DTNA: variants seen among roughly 807,000 people sequenced by gnomAD.
DTNA encodes the protein dystrophin-related protein 3.
Under a neutral mutation model 100.7 loss-of-function variants are expected in DTNA, and 43 were observed. That is an observed-to-expected ratio of 0.43 (90% confidence interval 0.33 to 0.55). DTNA has a LOEUF of 0.55. DTNA is among the 20% of genes least tolerant of loss of function. DTNA has a pLI of 0.04. For missense variants in DTNA, 798 were observed against 953.9 expected (o/e 0.84, Z 2.15); for synonymous variants, 349 against 347.9 (o/e 1.00, Z -0.04).
At chr18:34,619,998 A>G (rs1451788023) in intron 1 of DTNA, among the ~76,000 whole-genome samples, 2 of 152,208 alleles carry the variant, frequency 1.3e-5, no homozygotes, top group Non-Finnish European at 2.9e-5. Flanking sequence ...AAATAAGGAC[A>G]GAATGGTTTT....
intron 1 of DTNA, among the ~76,000 whole-genome samples, chr18:34,747,714 A>G (rs981421205): frequency 2.6e-5 from 4 of 152,176 alleles, no homozygotes; most frequent in Non-Finnish European, 4.4e-5. Flanking sequence ...GTGTATATGT[A>G]TACCACATTT....
chr18:34,778,597 T>G (rs2094170492), intron 3 of DTNA, among the ~76,000 whole-genome samples: 1 of 152,162 alleles, frequency 6.6e-6, no homozygotes, highest in Non-Finnish European at 1.5e-5. Flanking sequence ...TTTTTTAATA[T>G]CCTGGAAATA....
intron 9 of DTNA, among the ~76,000 whole-genome samples, chr18:34,825,962 A>G (rs1237803141): frequency 6.6e-6 from 1 of 152,222 alleles, no homozygotes; most frequent in African/African-American, 2.4e-5. Context: ...TAAAATTAGC[A>G]TCCTTCTTCC....
At chr18:34,597,110 T>G (rs1268346924) in intron 1 of DTNA, among the ~76,000 whole-genome samples, 1 of 152,180 alleles carries the variant, frequency 6.6e-6, no homozygotes, top group Non-Finnish European at 1.5e-5. Context: ...GTGTTCGGTT[T>G]TCTGTTCCTG....
intron 1 of DTNA, among the ~76,000 whole-genome samples, chr18:34,521,976 C>T (rs2042191789): frequency 6.6e-6 from 1 of 152,140 alleles, no homozygotes; most frequent in South Asian, 2.1e-4. Context: ...TAGCACCTGG[C>T]ACAGAGCTGA....
chr18:34,572,737 TC>T, intron 1 of DTNA, among the ~76,000 whole-genome samples: 1 of 152,218 alleles, frequency 6.6e-6, no homozygotes, highest in African/African-American at 2.4e-5. Context: ...CTCCCCCACT[TC>T]CATCTAACTC....
intron 1 of DTNA, among the ~76,000 whole-genome samples, chr18:34,741,370 T>A (rs969838357): frequency 2.6e-5 from 4 of 152,212 alleles, no homozygotes; most frequent in African/African-American, 7.2e-5. Context: ...GATAGCCACA[T>A]ATGTGGGCTG....
At chr18:34,575,391 C>T (rs1193632704) in intron 1 of DTNA, among the ~76,000 whole-genome samples, 1 of 152,302 alleles carries the variant, frequency 6.6e-6, no homozygotes, top group East Asian at 1.9e-4. Flanking sequence ...TTCTGACTCT[C>T]TTACTATATC....
Position 34,888,917 on chromosome 18 carries a change from T to A in DTNA, c.*1183T>A. ...CCACCTGGTGTTCTGCATGTAGCCT[T>A]CTGTGGTCATGTGAAAGGAGACAGG... On this transcript the variant is annotated 3_prime_UTR_variant, in exon 23 of 23. Coordinates refer to ENST00000444659, the MANE Select transcript of DTNA (RefSeq NM_001386795.1). 1.0e-5 allele frequency: 10 copies of A among 985,878 alleles called. No individual in the cohort carries two copies. Among genetic ancestry groups the A allele is most frequent in the Non-Finnish European group, 1.2e-5 (10 of 829,944 alleles). 61.1% of individuals were successfully genotyped at this position (985,878 alleles called of 1,614,324 possible).
At position 34,825,929 on chromosome 18, in the gene DTNA, A is replaced by G. The variant is rs186853556; in HGVS notation, c.1002-1664A>G. On this transcript the variant is annotated intron_variant, in intron 9 of 22. Coordinates refer to ENST00000444659, the MANE Select transcript of DTNA (RefSeq NM_001386795.1). ...TAAAATCTAACAGACCAAACTTTTC[A>G]TAATTCACAGAGGACATTTGTATAA... Among the ~76,000 whole-genome samples the G allele has an allele frequency of 4.5e-3, 680 of 152,336 alleles. 1 individual carries two copies. Among genetic ancestry groups the G allele is most frequent in the Non-Finnish European group, 7.0e-3 (473 of 68,004 alleles).
At chr18:34,831,503 C>A (rs1306810938) in intron 11 of DTNA, among the ~76,000 whole-genome samples, 1 of 152,220 alleles carries the variant, frequency 6.6e-6, no homozygotes, top group Non-Finnish European at 1.5e-5. Flanking sequence ...CAAGGTGGCT[C>A]ACGCCTGTAA....
chr18:34,880,478 A>G (rs914661977), intron 20 of DTNA, among the ~76,000 whole-genome samples: 1 of 152,220 alleles, frequency 6.6e-6, no homozygotes, highest in Non-Finnish European at 1.5e-5. Context: ...ACCATGGTTC[A>G]TGGAGTTATG....
At chr18:34,808,002 A>C (rs890791095) in intron 5 of DTNA, among the ~76,000 whole-genome samples, 6 of 152,168 alleles carry the variant, frequency 3.9e-5, no homozygotes, top group African/African-American at 1.4e-4. Context: ...TGCCAACCCC[A>C]ACTGGCCATT....
chr18:34,821,514 A>G (rs2095717044), intron 9 of DTNA: 1 of 456,348 alleles, frequency 2.2e-6, no homozygotes, highest in African/African-American at 2.0e-5. Flanking sequence ...GCCAACAAAC[A>G]GTCCTTCCAG....
In DTNA at chr18:34,838,108, A is replaced by G. The variant is rs1289803730; in HGVS notation, c.1190A>G (p.Asp397Gly). The G allele has an allele frequency of 6.2e-7, 1 of 1,613,730 alleles. No individual in the cohort carries two copies. The highest frequency in any genetic ancestry group is 8.5e-7 in the Non-Finnish European group (1 of 1,179,836). ...TTATTAACTAGCTCTCCTCCCAAGG[A>G]CAGTGAAGTAGAGCAGAACAAACTG... ...LDHGARSPPK[D>G]SEVEQNKLLA... The change falls in exon 12 of 23, where the codon GAC (aspartate) becomes GGC (glycine). Residue 397 changes from aspartate to glycine, a missense_variant. Physicochemically the swap from Asp to Gly is moderately conservative, Grantham distance 94. This residue lies in a region of DTNA where 159 missense variants were observed against 201.2 expected (regional missense o/e 0.79). Coordinates refer to ENST00000444659, the MANE Select transcript of DTNA (RefSeq NM_001386795.1).
chr18:34,745,070 C>A (rs767488710), intron 1 of DTNA, among the ~76,000 whole-genome samples: 1 of 152,028 alleles, frequency 6.6e-6, no homozygotes, highest in African/African-American at 2.4e-5. Context: ...GCATAGTACT[C>A]GGAACATAGT....
At chr18:34,571,612 TC>T (rs2047598223) in intron 1 of DTNA, among the ~76,000 whole-genome samples, 1 of 152,092 alleles carries the variant, frequency 6.6e-6, no homozygotes, top group Non-Finnish European at 1.5e-5. Context: ...TCTTGAATAG[TC>T]ATGCACTGGC....
At chr18:34,824,904 A>G (rs1048081209) in intron 9 of DTNA, among the ~76,000 whole-genome samples, 1 of 150,670 alleles carries the variant, frequency 6.6e-6, no homozygotes, top group Non-Finnish European at 1.5e-5. Flanking sequence ...GTAACAAGTT[A>G]ACATTTTACA....
intron 1 of DTNA, among the ~76,000 whole-genome samples, chr18:34,680,363 G>A (rs952165222): frequency 3.3e-5 from 5 of 152,176 alleles, no homozygotes; most frequent in African/African-American, 2.4e-5. Flanking sequence ...AGAGGGGAAT[G>A]GAGAAAGTGA....
Sources: allele counts gnomAD v4.1 joint callset (sites outside exome capture counted in the v4.1 genomes callset), GRCh38; gene constraint gnomAD v4.1.1; regional missense constraint gnomAD v4.1.1; transcripts MANE v1.5; gene names NCBI Gene and HGNC (gene_info 2026-07-23, HGNC 2026-07-21).